CADM1: variants seen among roughly 807,000 people sequenced by gnomAD.
CADM1 encodes the protein TSLC-1.
In CADM1, 15 loss-of-function variants were observed where a neutral mutation model predicts 53.1. The observed-to-expected ratio is 0.28, with a 90% CI of 0.19 to 0.44. CADM1 has a LOEUF of 0.44. CADM1 is among the 20% of genes least tolerant of loss of function. The pLI, the probability that CADM1 is intolerant of heterozygous loss-of-function variation, is 1.00. For missense variants in CADM1, 434 were observed against 611.3 expected, an observed-to-expected ratio of 0.71 and a Z score of 3.06; for synonymous variants, 281 against 243.0, an observed-to-expected ratio of 1.16 and a Z score of -1.45.
rs138768231 is a variant in CADM1 at position 115,245,570 on chromosome 11, A to G, written c.125-5150T>C. Reference sequence around the variant, plus strand: ...CTGTTCAGGGTGGGCCCAACTTGGAAGAAGAACCTCTAATCCCTACCCGAA... The same window carrying G: ...CTGTTCAGGGTGGGCCCAACTTGGAGGAAGAACCTCTAATCCCTACCCGAA... On this transcript the variant is annotated intron_variant, in intron 1 of 11. Transcript: ENST00000331581. 2.6e-5 allele frequency among the ~76,000 whole-genome samples: 4 copies of G among 152,314 alleles called. No homozygotes were observed. The East Asian group carries it at 7.7e-4, about 29-fold the overall frequency.
intron 1 of CADM1, among the ~76,000 whole-genome samples, chr11:115,308,211 T>TACAC (rs1555061188): frequency 7.9e-5 from 11 of 139,382 alleles, no homozygotes; most frequent in African/African-American, 2.4e-4. Flanking sequence ...TATATATATA[T>TACAC]ACACACCTAT....
chr11:115,445,627 T>C, intron 1 of CADM1: 2 of 291,502 alleles, frequency 6.9e-6, no homozygotes, highest in South Asian at 2.7e-5. Context: ...ATGGATTACC[T>C]GAGGCCAGGA....
chr11:115,306,822 T>C (rs1052215624), intron 1 of CADM1, among the ~76,000 whole-genome samples: 14 of 152,026 alleles, frequency 9.2e-5, no homozygotes, highest in Non-Finnish European at 1.9e-4. Flanking sequence ...GACATGTCAA[T>C]GTCCAAACAT....
At chr11:115,337,753 C>A (rs1023102803) in intron 1 of CADM1, among the ~76,000 whole-genome samples, 1 of 151,992 alleles carries the variant, frequency 6.6e-6, no homozygotes, top group Non-Finnish European at 1.5e-5. Context: ...ATTAATACAC[C>A]ATGGAGTAGT....
intron 1 of CADM1, among the ~76,000 whole-genome samples, chr11:115,328,585 G>A (rs1945020787): frequency 1.4e-5 from 2 of 147,154 alleles, no homozygotes; most frequent in Non-Finnish European, 1.5e-5. Flanking sequence ...TCACAGAGTT[G>A]TTTGAAAGGA....
At chr11:115,323,448 G>A (rs1944877073) in intron 1 of CADM1, among the ~76,000 whole-genome samples, 2 of 152,104 alleles carry the variant, frequency 1.3e-5, no homozygotes, top group Non-Finnish European at 2.9e-5. Context: ...ACATGGAAGT[G>A]GGGTGCAGGG....
chr11:115,423,012 T>C (rs1398369049), intron 1 of CADM1, among the ~76,000 whole-genome samples: 1 of 148,672 alleles, frequency 6.7e-6, no homozygotes, highest in Non-Finnish European at 1.5e-5. Context: ...AATATAAACC[T>C]AGAAAACGCT....
intron 1 of CADM1, among the ~76,000 whole-genome samples, chr11:115,242,483 G>A (rs1339841502): frequency 6.6e-6 from 1 of 152,116 alleles, no homozygotes; most frequent in Non-Finnish European, 1.5e-5. Context: ...CCAATCAAGT[G>A]AGGTTTTCAA....
intron 1 of CADM1, among the ~76,000 whole-genome samples, chr11:115,254,549 A>AACAC (rs58261564): frequency 0.031 from 4,239 of 134,914 alleles, 65 homozygotes; most frequent in African/African-American, 0.035. Flanking sequence ...AAGGGAGACA[A>AACAC]ACACACACAC....
intron 5 of CADM1, among the ~76,000 whole-genome samples, chr11:115,227,388 G>T (rs1941650955): frequency 6.6e-6 from 1 of 152,152 alleles, no homozygotes. Flanking sequence ...TTTGGTAGGT[G>T]GGTGGGACTA....
intron 8 of CADM1, 35 bp from the exon 9 acceptor site, chr11:115,198,473 G>A: frequency 6.4e-7 from 1 of 1,573,552 alleles, no homozygotes. Flanking sequence ...AGGAAGGGAA[G>A]AAACAGGAGG....
At chr11:115,327,385 G>A (rs1244250294) in intron 1 of CADM1, among the ~76,000 whole-genome samples, 1 of 152,052 alleles carries the variant, frequency 6.6e-6, no homozygotes, top group Non-Finnish European at 1.5e-5. Context: ...CACTCTATCG[G>A]GTCCAGGAGC....
intron 1 of CADM1, among the ~76,000 whole-genome samples, chr11:115,252,239 T>A (rs1244966278): frequency 6.6e-6 from 1 of 152,214 alleles, no homozygotes; most frequent in Non-Finnish European, 1.5e-5. Context: ...TCCAAAAGGA[T>A]TATTATGAGA....
At chr11:115,289,600 T>C (rs1361828278) in intron 1 of CADM1, among the ~76,000 whole-genome samples, 11 of 88,976 alleles carry the variant, frequency 1.2e-4, no homozygotes. Context: ...TTTCTTTTTT[T>C]TTTTTTTTTT....
intron 1 of CADM1, among the ~76,000 whole-genome samples, chr11:115,321,368 T>C (rs1944821612): frequency 6.6e-6 from 1 of 152,096 alleles, no homozygotes; most frequent in Non-Finnish European, 1.5e-5. Flanking sequence ...TGGGGAAAAA[T>C]GCATTTTGTA....
At chr11:115,203,301 C>T (rs767408972) in intron 8 of CADM1, among the ~76,000 whole-genome samples, 6 of 152,004 alleles carry the variant, frequency 3.9e-5, no homozygotes, top group Non-Finnish European at 8.8e-5. Context: ...ACAAGAAAAA[C>T]AATTCCTATA....
chr11:115,467,550 A>G (rs907114732), intron 1 of CADM1, among the ~76,000 whole-genome samples: 7 of 152,230 alleles, frequency 4.6e-5, no homozygotes, highest in African/African-American at 1.7e-4. Context: ...CCATTCTGAG[A>G]TGCACTAGGC....
chr11:115,269,479 C>T (rs866328204), intron 1 of CADM1, among the ~76,000 whole-genome samples: 1 of 152,154 alleles, frequency 6.6e-6, no homozygotes. Flanking sequence ...GAGGTTTATG[C>T]TCCCAATTAG....
chr11:115,268,793 C>T (rs1004235460), intron 1 of CADM1, among the ~76,000 whole-genome samples: 79 of 152,166 alleles, frequency 5.2e-4, no homozygotes, highest in Non-Finnish European at 5.3e-4. Context: ...TCTTTAGAGT[C>T]AGTTACCAGT....
Sources: allele counts gnomAD v4.1 joint callset (sites outside exome capture counted in the v4.1 genomes callset), GRCh38; gene constraint gnomAD v4.1.1; transcripts MANE v1.5; gene names NCBI Gene and HGNC (gene_info 2026-07-23, HGNC 2026-07-21).